The following PITRM1 variants were observed in gnomAD, a reference collection of about 807,000 sequenced individuals.
The protein encoded by PITRM1 is presequence protease, mitochondrial.
In PITRM1, 100 loss-of-function variants were observed where a neutral mutation model predicts 129.9. The observed-to-expected ratio is 0.77, with a 90% CI of 0.65 to 0.91. PITRM1 has a LOEUF of 0.91. PITRM1 is among the 40% of genes least tolerant of loss of function. The pLI is 0.00. For synonymous variants in PITRM1, 591 were observed against 508.8 expected (o/e 1.16, Z -2.17); for missense variants, 1,471 against 1,318.3 (o/e 1.12, Z -1.79).
chr10:3,137,923 ACT>A lies in PITRM1; in HGVS notation c.*106_*107del. 1.5e-6 allele frequency: 1 copy of A among 686,442 alleles called. No homozygotes were observed. The highest frequency in any genetic ancestry group is 2.7e-5 in the East Asian group (1 of 36,746). 42.5% of individuals were successfully genotyped at this position (686,442 alleles called of 1,614,324 possible). A position where few individuals can be genotyped will look rare whatever the true frequency, so the allele number is the denominator to read the frequency against. ...CTCGCCAGTCAAGGGCTTTGGCGAC[ACT>A]CAATGACATAATATTCTTGGAAAAA... is the stretch of plus-strand genomic sequence containing the variant. On this transcript the variant is annotated 3_prime_UTR_variant, in exon 27 of 27. Coordinates refer to ENST00000224949, the MANE Select transcript of PITRM1 (RefSeq NM_014889.4).
intron 19 of PITRM1, 94 bp from the exon 20 acceptor site, chr10:3,147,344 G>A (rs1840994153): frequency 1.9e-6 from 2 of 1,053,664 alleles, no homozygotes; most frequent in East Asian, 2.4e-5. Flanking sequence ...ACCCTGCTTG[G>A]GCAGGGGTTA....
rs111658383 is a variant in PITRM1 at position 3,169,020 on chromosome 10, G to A, written c.159+1084C>T. On this transcript the variant is annotated intron_variant, in intron 2 of 26. Coordinates refer to ENST00000224949, the MANE Select transcript of PITRM1 (RefSeq NM_014889.4). Reference sequence around the variant, plus strand: ...CAGCTACTTGGCAAGAGGATCGCTTGAGCCCAGGAGTTCGAGGCTGCAGTG... The same window carrying A: ...CAGCTACTTGGCAAGAGGATCGCTTAAGCCCAGGAGTTCGAGGCTGCAGTG... Among the ~76,000 whole-genome samples the A allele has an allele frequency of 5.0e-3, 717 of 144,044 alleles. 6 individuals carry two copies. Among genetic ancestry groups the A allele is most frequent in the African/African-American group, 0.017 (677 of 38,934 alleles). The allele number at this position is 144,044 out of a possible 152,430, so 94.5% of individuals were successfully genotyped here. A position where few individuals can be genotyped will look rare whatever the true frequency, so the allele number is the denominator to read the frequency against.
At chr10:3,157,709 G>A (rs1277935230) in intron 11 of PITRM1, among the ~76,000 whole-genome samples, 178 bp from the exon 12 acceptor site, 3 of 152,168 alleles carry the variant, frequency 2.0e-5, no homozygotes, top group Non-Finnish European at 4.4e-5. Flanking sequence ...ATGGTGGTGT[G>A]CACCCTAGTT....
intron 3 of PITRM1, 101 bp from the exon 4 acceptor site, chr10:3,166,481 T>G: frequency 1.9e-6 from 1 of 526,088 alleles, no homozygotes; most frequent in East Asian, 3.5e-5. Flanking sequence ...ATCATCATTC[T>G]GACACCACAA....
At chr10:3,153,514 G>T (rs764740222) in intron 14 of PITRM1, among the ~76,000 whole-genome samples, 2 of 152,116 alleles carry the variant, frequency 1.3e-5, no homozygotes, top group Non-Finnish European at 2.9e-5. Flanking sequence ...AGCTACTTGG[G>T]AGGCTGAGGC....
chr10:3,149,834 T>C, intron 15 of PITRM1, 81 bp from the exon 16 acceptor site: 2 of 1,447,144 alleles, frequency 1.4e-6, no homozygotes, highest in Non-Finnish European at 1.9e-6. Context: ...CAATGCTATT[T>C]ATTGTTTTTT....
In PITRM1 at chr10:3,165,264, C is replaced by A; in HGVS notation, c.604G>T (p.Val202Phe). 6.3e-7 allele frequency: 1 copy of A among 1,577,068 alleles called. No homozygotes were observed. Residue 202 changes from valine (V) to phenylalanine (F), a missense_variant, in exon 6 of 27, where the codon GTC (valine) becomes TTC (phenylalanine). Transcript: ENST00000224949. The part of the protein sequence containing the change: ...PQTPLVFKGV[V>F]FNEMKGAFTD... ...AACGCTCCCTTCATCTCATTAAAGACGACTCCTTTAAAGACCAAGGGCGTC... is the reference window on the plus strand; with the variant it reads ...AACGCTCCCTTCATCTCATTAAAGAAGACTCCTTTAAAGACCAAGGGCGTC...
intron 1 of PITRM1, among the ~76,000 whole-genome samples, chr10:3,170,538 A>G (rs1843246384): frequency 1.3e-5 from 2 of 152,124 alleles, no homozygotes; most frequent in African/African-American, 4.8e-5. Flanking sequence ...GAATCCTCAA[A>G]AGCCTTCACA....
Position 3,172,724 on chromosome 10 carries a change from T to C in PITRM1, c.49A>G (p.Ser17Gly). The C allele has an allele frequency of 6.5e-7, 1 of 1,541,966 alleles. No homozygotes were observed. The highest frequency in any genetic ancestry group is 8.7e-7 in the Non-Finnish European group (1 of 1,143,930). ...CCCGTCGCAGCGTCTCACCCGCCGC[T>C]CAGCCGCCTCAGCACACACAGGCCC... Reference protein sequence around the residue: ...RQGLCVLRRLSGGHAHHRAWR... With the variant: ...RQGLCVLRRLGGGHAHHRAWR... Residue 17 changes from serine (S) to glycine (G), a missense_variant, in exon 1 of 27, where the codon AGC (serine) becomes GGC (glycine). Coordinates refer to ENST00000224949, the MANE Select transcript of PITRM1 (RefSeq NM_014889.4).
chr10:3,165,019 C>T (rs1842741861), intron 6 of PITRM1, among the ~76,000 whole-genome samples: 1 of 152,234 alleles, frequency 6.6e-6, no homozygotes, highest in Non-Finnish European at 1.5e-5. Flanking sequence ...CTGCAGATCA[C>T]ATACCAGGGG....
rs867797031 is a variant in PITRM1, at chr10:3,144,301, C to A, written c.2523G>T (p.Lys841Asn). 1.3e-6 allele frequency: 2 copies of A among 1,555,312 alleles called. No homozygotes were observed. The highest frequency in any genetic ancestry group is 1.7e-6 in the Non-Finnish European group (2 of 1,147,358). The change falls in exon 22 of 27, where the codon AAG becomes AAT. Residue 841 changes from lysine to asparagine, a missense_variant. By Grantham distance (94) the Lys-to-Asn change is moderately conservative. Transcript: ENST00000224949. ...GGGCTGTGGTTCTTACCATGACCAG[C>A]TTCCTAATGACCTGGGAGCCATGGG... ...HVPHGSQVIRKLVMEPTFKPW... is the reference protein window; with the variant it reads ...HVPHGSQVIRNLVMEPTFKPW...
intron 14 of PITRM1, among the ~76,000 whole-genome samples, chr10:3,152,779 C>T (rs1841632129): frequency 6.6e-6 from 1 of 152,240 alleles, no homozygotes; most frequent in Non-Finnish European, 1.5e-5. Context: ...ACCCGGTTTC[C>T]CCCGTGGTCC....
At chr10:3,162,919 T>C (rs1484666437) in intron 7 of PITRM1, among the ~76,000 whole-genome samples, 1 of 152,154 alleles carries the variant, frequency 6.6e-6, no homozygotes. Flanking sequence ...GAATAAGAAA[T>C]AGGCAGTTTT....
intron 6 of PITRM1, among the ~76,000 whole-genome samples, chr10:3,164,922 G>T (rs1248889186): frequency 6.6e-6 from 1 of 152,176 alleles, no homozygotes; most frequent in African/African-American, 2.4e-5. Flanking sequence ...GCAGCCTCTA[G>T]AAAGTACACC....
Position 3,167,014 on chromosome 10 carries a change from G to A in PITRM1, c.188C>T (p.Thr63Ile). 5 of 1,609,412 alleles carry A rather than the reference G, an allele frequency of 3.1e-6. No homozygotes were observed. Among genetic ancestry groups the A allele is most frequent in the Non-Finnish European group, 3.4e-6 (4 of 1,177,586 alleles). Residue 63 changes from threonine (T) to isoleucine (I), a missense_variant, in exon 3 of 27, where the codon ACT (threonine) becomes ATT (isoleucine). Thr to Ile is a moderately conservative substitution (Grantham distance 89). Coordinates refer to ENST00000224949, the MANE Select transcript of PITRM1 (RefSeq NM_014889.4). ...GTCATCATGGGTGAGCTTCACTGCA[G>A]TCAGGAACAGCTCGGGAACAGATGT... Reference protein sequence around the residue: ...QVTSVPELFLTAVKLTHDDTG... With the variant: ...QVTSVPELFLIAVKLTHDDTG...
intron 25 of PITRM1, 62 bp downstream of exon 25, chr10:3,138,842 G>A: frequency 1.3e-6 from 2 of 1,556,310 alleles, no homozygotes; most frequent in Non-Finnish European, 1.8e-6. Context: ...CGGGAACTTG[G>A]AAAACAGCAA....
intron 20 of PITRM1, chr10:3,145,922 G>A: frequency 1.8e-6 from 1 of 553,734 alleles, no homozygotes; most frequent in Non-Finnish European, 3.2e-6. Flanking sequence ...AGTTCAATGT[G>A]GCAGCTAATG....
intron 9 of PITRM1, among the ~76,000 whole-genome samples, chr10:3,159,635 C>T (rs1343549849): frequency 4.6e-5 from 7 of 152,158 alleles, no homozygotes; most frequent in East Asian, 3.8e-4. Context: ...ACTTTTCTTC[C>T]GGAGGGCTAT....
At position 3,157,687 on chromosome 10, in the gene PITRM1, A is replaced by T. The variant is rs115178424; in HGVS notation, c.1251-156T>A. Among the ~76,000 whole-genome samples the T allele has an allele frequency of 3.0e-3, 464 of 152,244 alleles. 5 individuals are homozygous for T. Among genetic ancestry groups the T allele is most frequent in the African/African-American group, 0.01 (435 of 41,550 alleles). ...AGAAAGCCCATCTCTACTACACAAA[A>T]ATTAGCTGGGCATGGTGGTGTGCAC... On this transcript the variant is annotated intron_variant, in intron 11 of 26. Transcript: ENST00000224949.
Sources: gnomAD v4.1 joint callset for allele counts (sites outside exome capture counted in the v4.1 genomes callset) on GRCh38, gnomAD v4.1.1 for gene constraint, MANE v1.5 for transcripts, NCBI Gene and HGNC (gene_info 2026-07-23, HGNC 2026-07-21) for gene names.